PEBP4: variants seen among roughly 807,000 people sequenced by gnomAD.
PEBP4 encodes phosphatidylethanolamine-binding protein 4.
A neutral mutation model predicts 23.9 loss-of-function variants in PEBP4; 22 were observed. That is an observed-to-expected ratio of 0.92 (90% CI 0.66 to 1.31). PEBP4 has a LOEUF of 1.31. PEBP4 is among the 40% of genes most tolerant of loss of function. PEBP4 has a pLI of 0.00. For missense variants in PEBP4, 324 were observed against 281.7 expected, an observed-to-expected ratio of 1.15 and a Z score of -1.07; for synonymous variants, 112 against 99.3, an observed-to-expected ratio of 1.13 and a Z score of -0.76.
intron 3 of PEBP4, among the ~76,000 whole-genome samples, chr8:22,860,074 G>A (rs1287164601): frequency 7.4e-6 from 1 of 135,736 alleles, no homozygotes; most frequent in African/African-American, 2.8e-5. Flanking sequence ...CTATGATCAT[G>A]TCACTGCACT....
intron 4 of PEBP4, among the ~76,000 whole-genome samples, chr8:22,766,556 C>G (rs1158142060): frequency 2.0e-5 from 3 of 152,220 alleles, no homozygotes; most frequent in African/African-American, 7.2e-5. Context: ...AACACCTGTG[C>G]ACCACATCTC....
intron 4 of PEBP4, among the ~76,000 whole-genome samples, chr8:22,812,923 G>A (rs1251377517): frequency 6.6e-6 from 1 of 152,114 alleles, no homozygotes; most frequent in African/African-American, 2.4e-5. Flanking sequence ...TGAAGAGTGA[G>A]GATTTCTGTC....
intron 4 of PEBP4, among the ~76,000 whole-genome samples, chr8:22,764,517 G>T (rs1246778240): frequency 1.3e-5 from 2 of 152,180 alleles, no homozygotes; most frequent in Non-Finnish European, 2.9e-5. Context: ...GACCGGTGTA[G>T]TTGCCCAATG....
chr8:22,723,578 C>A (rs1430104012), intron 6 of PEBP4, among the ~76,000 whole-genome samples: 1 of 152,216 alleles, frequency 6.6e-6, no homozygotes, highest in Non-Finnish European at 1.5e-5. Context: ...GTCCCGACAT[C>A]TTTGGTGAGA....
intron 4 of PEBP4, among the ~76,000 whole-genome samples, chr8:22,777,988 C>G (rs148871330): frequency 3.9e-5 from 6 of 152,264 alleles, no homozygotes; most frequent in African/African-American, 1.2e-4. Context: ...ACCACCAGCC[C>G]CTGCACAGAG....
At chr8:22,922,874 C>T (rs1182866429) in intron 2 of PEBP4, among the ~76,000 whole-genome samples, 1 of 152,192 alleles carries the variant, frequency 6.6e-6, no homozygotes, top group East Asian at 1.9e-4. Context: ...GACTTGAAGG[C>T]ACTCTAGACA....
chr8:22,761,333 C>T (rs1401864306), intron 4 of PEBP4, among the ~76,000 whole-genome samples: 2 of 151,968 alleles, frequency 1.3e-5, no homozygotes, highest in Non-Finnish European at 2.9e-5. Context: ...ACCGGAAAGC[C>T]CTTATCTTGC....
intron 4 of PEBP4, among the ~76,000 whole-genome samples, chr8:22,750,392 G>A (rs538544717): frequency 5.6e-4 from 85 of 152,128 alleles, no homozygotes; most frequent in South Asian, 2.5e-3. Flanking sequence ...GAGCCACCGC[G>A]CCCAGCCAGT....
intron 3 of PEBP4, among the ~76,000 whole-genome samples, chr8:22,821,812 C>T (rs1250906776): frequency 6.6e-6 from 1 of 151,878 alleles, no homozygotes; most frequent in African/African-American, 2.4e-5. Context: ...GGTGAAACCC[C>T]GTCTCTACTA....
chr8:22,829,683 T>G (rs1807040514), intron 3 of PEBP4, among the ~76,000 whole-genome samples: 1 of 152,256 alleles, frequency 6.6e-6, no homozygotes, highest in South Asian at 2.1e-4. Context: ...TTCTCTCTCT[T>G]GAATATTCCA....
chr8:22,765,041 C>A (rs1044633445), intron 4 of PEBP4, among the ~76,000 whole-genome samples: 1 of 152,170 alleles, frequency 6.6e-6, no homozygotes, highest in Non-Finnish European at 1.5e-5. Flanking sequence ...CTGAGCCAAG[C>A]ATTCCCTCTC....
chr8:22,776,840 C>T (rs1436234156), intron 4 of PEBP4, among the ~76,000 whole-genome samples: 1 of 150,346 alleles, frequency 6.7e-6, no homozygotes, highest in Non-Finnish European at 1.5e-5. Context: ...CTCTTCAGAG[C>T]AGCGCTGAAG....
chr8:22,762,355 C>A (rs1235036217), intron 4 of PEBP4, among the ~76,000 whole-genome samples: 2 of 152,150 alleles, frequency 1.3e-5, no homozygotes, highest in African/African-American at 4.8e-5. Flanking sequence ...AAATATATAT[C>A]TAGAAAAGCA....
At chr8:22,781,259 C>T (rs1805908595) in intron 4 of PEBP4, among the ~76,000 whole-genome samples, 1 of 152,050 alleles carries the variant, frequency 6.6e-6, no homozygotes, top group Admixed American at 6.5e-5. Flanking sequence ...GCCGGCCCCG[C>T]CTTGCAGTCC....
At chr8:22,773,814 G>C (rs1243527194) in intron 4 of PEBP4, among the ~76,000 whole-genome samples, 1 of 152,112 alleles carries the variant, frequency 6.6e-6, no homozygotes, top group African/African-American at 2.4e-5. Flanking sequence ...CCAACCGTGG[G>C]GGTCCTTGCT....
chr8:22,883,018 C>G (rs140619693), intron 3 of PEBP4, among the ~76,000 whole-genome samples: 1 of 152,146 alleles, frequency 6.6e-6, no homozygotes, highest in Non-Finnish European at 1.5e-5. Context: ...TGTGGCCCTG[C>G]GAGACATACC....
At chr8:22,751,156 G>T (rs1204037949) in intron 4 of PEBP4, among the ~76,000 whole-genome samples, 1 of 152,214 alleles carries the variant, frequency 6.6e-6, no homozygotes, top group Admixed American at 6.5e-5. Flanking sequence ...TGCTGCAGGA[G>T]CTCCAAGGTC....
At chr8:22,815,855 G>C (rs192439552) in intron 4 of PEBP4, among the ~76,000 whole-genome samples, 1 of 152,150 alleles carries the variant, frequency 6.6e-6, no homozygotes, top group East Asian at 1.9e-4. Context: ...TGCAGGAGTC[G>C]GGGGTCTTCA....
At chr8:22,897,564 T>C (rs1216983691) in intron 3 of PEBP4, among the ~76,000 whole-genome samples, 1 of 152,218 alleles carries the variant, frequency 6.6e-6, no homozygotes, top group Non-Finnish European at 1.5e-5. Context: ...AACAAACCTA[T>C]GAGATGGGTA....
Sources: gnomAD v4.1 joint callset for allele counts (sites outside exome capture counted in the v4.1 genomes callset) on GRCh38, gnomAD v4.1.1 for gene constraint, MANE v1.5 for transcripts, NCBI Gene and HGNC (gene_info 2026-07-23, HGNC 2026-07-21) for gene names.